The following TMEM242 variants were observed in gnomAD, a reference collection of about 807,000 sequenced individuals.
The protein encoded by TMEM242 is transmembrane protein 242.
In TMEM242, 10 loss-of-function variants were observed where a neutral mutation model predicts 18.2. That is an observed-to-expected ratio of 0.55 (90% confidence interval 0.34 to 0.93). The LOEUF is 0.93. TMEM242 is among the 40% of genes least tolerant of loss of function. The pLI is 0.02. For synonymous variants in TMEM242, 57 were observed against 69.9 expected (o/e 0.81, Z 0.92); for missense variants, 186 against 175.5 (o/e 1.06, Z -0.34).
intron 2 of TMEM242, among the ~76,000 whole-genome samples, chr6:157,319,512 T>G (rs587656492): frequency 2.0e-5 from 3 of 152,352 alleles, no homozygotes; most frequent in Admixed American, 2.0e-4. Context: ...CACTTTTAGC[T>G]TGCACCTTCC....
intron 3 of TMEM242, among the ~76,000 whole-genome samples, chr6:157,312,368 C>T (rs1368379645): frequency 4.1e-5 from 5 of 122,694 alleles, no homozygotes; most frequent in African/African-American, 6.5e-5. Flanking sequence ...TCCCAGTGTG[C>T]ACTCACCTGC....
chr6:157,308,889 T>C (rs1438697234), intron 3 of TMEM242, among the ~76,000 whole-genome samples: 1 of 152,226 alleles, frequency 6.6e-6, no homozygotes, highest in Non-Finnish European at 1.5e-5. Flanking sequence ...TAGCAACAAA[T>C]ATCAAAAACA....
intron 3 of TMEM242, 82 bp from the exon 4 acceptor site, chr6:157,293,081 G>T: frequency 1.0e-6 from 1 of 962,308 alleles, no homozygotes. Flanking sequence ...TTGCTGACTG[G>T]CTAGTACTTC....
At chr6:157,313,106 C>T (rs1554249619) in intron 3 of TMEM242, among the ~76,000 whole-genome samples, 1 of 148,686 alleles carries the variant, frequency 6.7e-6, no homozygotes, top group Non-Finnish European at 1.5e-5. Context: ...CAAAGTGTCC[C>T]AGTGTGTGCT....
chr6:157,313,045 C>T (rs1583570721), intron 3 of TMEM242, among the ~76,000 whole-genome samples: 1 of 92,096 alleles, frequency 1.1e-5, no homozygotes, highest in African/African-American at 3.8e-5. Flanking sequence ...TCCCAGTGTG[C>T]ACTCACCTGG....
chr6:157,301,989 T>C (rs587648934), intron 3 of TMEM242, among the ~76,000 whole-genome samples: 1 of 152,100 alleles, frequency 6.6e-6, no homozygotes, highest in Non-Finnish European at 1.5e-5. Context: ...AAGGAGTTGG[T>C]GAGGGTGGGA....
intron 3 of TMEM242, among the ~76,000 whole-genome samples, chr6:157,313,309 C>T (rs1778259026): frequency 6.6e-6 from 1 of 152,338 alleles, no homozygotes; most frequent in African/African-American, 2.4e-5. Context: ...TCATAGTGTC[C>T]CAGTGTGCGC....
At chr6:157,301,850 T>C (rs939785892) in intron 3 of TMEM242, among the ~76,000 whole-genome samples, 1 of 152,100 alleles carries the variant, frequency 6.6e-6, no homozygotes, top group Non-Finnish European at 1.5e-5. Flanking sequence ...GAGAATTGCT[T>C]GAACCCTGGA....
chr6:157,312,883 T>C (rs1554249484), intron 3 of TMEM242, among the ~76,000 whole-genome samples: 9 of 66,788 alleles, frequency 1.3e-4, no homozygotes, highest in East Asian at 9.7e-4. Flanking sequence ...TGCACTCACC[T>C]AGCCTCATCA....
intron 3 of TMEM242, among the ~76,000 whole-genome samples, chr6:157,297,871 T>C (rs1777771536): frequency 6.6e-6 from 1 of 152,256 alleles, no homozygotes; most frequent in Admixed American, 6.5e-5. Flanking sequence ...CAGCTTTCCA[T>C]TTTCTAAGCT....
rs983968206 is a variant in TMEM242 at position 157,319,843 on chromosome 6, A to G, written c.190-924T>C. ...TCCCTAGAAGTATCCCAAGATGGGA[A>G]GAGTACCATGTTGGGCAAGTTGCTT... On this transcript the variant is annotated intron_variant, in intron 2 of 3. Transcript: ENST00000400788. Among the ~76,000 whole-genome samples, 5 of 152,236 alleles carry G rather than the reference A, an allele frequency of 3.3e-5. No homozygotes were observed. In the South Asian group the frequency reaches 1.0e-3, roughly 32 times the overall value.
At chr6:157,294,743 C>CTA in intron 3 of TMEM242, among the ~76,000 whole-genome samples, 1 of 152,112 alleles carries the variant, frequency 6.6e-6, no homozygotes, top group African/African-American at 2.4e-5. Flanking sequence ...GAATCTTTAC[C>CTA]TTGTTTCCAG....
At chr6:157,310,945 C>T in intron 3 of TMEM242, among the ~76,000 whole-genome samples, 1 of 150,856 alleles carries the variant, frequency 6.6e-6, no homozygotes, top group Non-Finnish European at 1.5e-5. Flanking sequence ...TCATAGTGCC[C>T]CAGTGTGCAC....
chr6:157,314,563 C>T (rs2128417329), intron 3 of TMEM242, among the ~76,000 whole-genome samples: 1 of 152,298 alleles, frequency 6.6e-6, no homozygotes, highest in Non-Finnish European at 1.5e-5. Flanking sequence ...CCAGGGTGGG[C>T]CGGGGAGCAG....
chr6:157,315,610 T>C lies in TMEM242; in HGVS notation c.327+3172A>G, dbSNP rs184856901. ...ACCCAGCAGAGGCTGAGTAGATATTTCCTACTTATCACTGGATGACATAAA... is the reference window on the plus strand; with the variant it reads ...ACCCAGCAGAGGCTGAGTAGATATTCCCTACTTATCACTGGATGACATAAA... On this transcript the variant is annotated intron_variant, in intron 3 of 3. Transcript: ENST00000400788. 2.2e-3 allele frequency among the ~76,000 whole-genome samples: 339 copies of C among 152,322 alleles called. 1 individual carries two copies. Among genetic ancestry groups the C allele is most frequent in the African/African-American group, 7.6e-3 (316 of 41,574 alleles).
chr6:157,322,929 C>T, intron 1 of TMEM242, 124 bp from the exon 2 acceptor site: 1 of 820,580 alleles, frequency 1.2e-6, no homozygotes, highest in South Asian at 1.9e-5. Flanking sequence ...TTTTGAAATT[C>T]AAGAAACCAT....
At chr6:157,314,868 T>C (rs1778360442) in intron 3 of TMEM242, among the ~76,000 whole-genome samples, 1 of 152,260 alleles carries the variant, frequency 6.6e-6, no homozygotes, top group Non-Finnish European at 1.5e-5. Flanking sequence ...CCAGCAGATG[T>C]AGCTGCGAAT....
At position 157,305,750 on chromosome 6, in the gene TMEM242, AG is replaced by A. The variant is rs1245139751; in HGVS notation, c.328-12752del. 9.2e-6 allele frequency among the ~76,000 whole-genome samples: 1 copy of A among 108,820 alleles called. No homozygotes were observed. The highest frequency in any genetic ancestry group is 4.2e-4 in the South Asian group (1 of 2,358). The allele number at this position is 108,820 out of a possible 152,430, so 71.4% of individuals were successfully genotyped here. On this transcript the variant is annotated intron_variant, in intron 3 of 3. Transcript: ENST00000400788. The surrounding 1 kb of genome is among the most constrained non-coding windows in gnomAD (Gnocchi z 4.1). ...CAGAAGCCACAGTGTTTCAGGATGG[AG>A]GGGGGGCTCCATTGTGCCCAAATGT...
chr6:157,306,716 A>G (rs1777922608), intron 3 of TMEM242, among the ~76,000 whole-genome samples: 1 of 152,232 alleles, frequency 6.6e-6, no homozygotes, highest in Admixed American at 6.5e-5. Flanking sequence ...AAGCAGCACT[A>G]TTTCACAAGT....
Sources: allele counts gnomAD v4.1 joint callset (sites outside exome capture counted in the v4.1 genomes callset), GRCh38; gene constraint gnomAD v4.1.1; non-coding constraint Gnocchi (gnomAD v3.1); transcripts MANE v1.5; gene names NCBI Gene and HGNC (gene_info 2026-07-23, HGNC 2026-07-21).